LGR6: variants seen among roughly 807,000 people sequenced by gnomAD.
LGR6 encodes the protein leucine-rich repeat-containing G protein-coupled receptor 6.
LGR6 carries 45 observed loss-of-function variants against 69.4 expected under a neutral mutation model. The observed-to-expected ratio is 0.65, with a 90% CI of 0.51 to 0.83. LGR6 has a LOEUF of 0.83. Ranked by LOEUF, LGR6 falls within the 40% of genes least tolerant of loss-of-function variation. The probability of loss-of-function intolerance (pLI) is 0.00; values close to 1 mark genes in which losing one functional copy is unlikely to be tolerated. For synonymous variants in LGR6, 538 were observed against 555.0 expected (o/e 0.97, Z 0.43); for missense variants, 1,108 against 1,246.7 (o/e 0.89, Z 1.68).
chr1:202,315,643 C>T lies in LGR6; in HGVS notation c.1648+761C>T, dbSNP rs781025411. Among the ~76,000 whole-genome samples, 84 of 152,326 alleles carry T rather than the reference C, an allele frequency of 5.5e-4. 1 individual carries two copies. The highest frequency in any genetic ancestry group is 1.0e-3 in the Non-Finnish European group (69 of 68,032). On this transcript the variant is annotated intron_variant, in intron 17 of 17. Coordinates refer to ENST00000367278, the MANE Select transcript of LGR6 (RefSeq NM_001017403.2). Reference sequence around the variant, plus strand: ...GATGAACAGTTTGCTTCTTCTATTTCGTTCCACCTCCGTTTTCCAGTTTTC... The same window carrying T: ...GATGAACAGTTTGCTTCTTCTATTTTGTTCCACCTCCGTTTTCCAGTTTTC...
chr1:202,269,050 G>C (rs1299139662), intron 4 of LGR6, among the ~76,000 whole-genome samples: 1 of 152,090 alleles, frequency 6.6e-6, no homozygotes, highest in Non-Finnish European at 1.5e-5. Context: ...GACTACTGGA[G>C]CGTGCCACCA....
chr1:202,196,730 G>T (rs1333182752), intron 1 of LGR6, among the ~76,000 whole-genome samples: 1 of 152,188 alleles, frequency 6.6e-6, no homozygotes, highest in Non-Finnish European at 1.5e-5. Context: ...TGCCTCCTAT[G>T]GGTGCTCCAT....
chr1:202,264,722 C>T (rs1342732772), intron 4 of LGR6, among the ~76,000 whole-genome samples: 1 of 152,194 alleles, frequency 6.6e-6, no homozygotes, highest in South Asian at 2.1e-4. Context: ...GAGGCACTTC[C>T]CTGTCTCCCT....
intron 1 of LGR6, among the ~76,000 whole-genome samples, chr1:202,215,060 A>G: frequency 7.0e-6 from 1 of 143,116 alleles, no homozygotes; most frequent in Non-Finnish European, 1.5e-5. Flanking sequence ...CTGGGTTGGG[A>G]AGGAGGGTGC....
At chr1:202,231,398 C>A (rs1452268151) in intron 3 of LGR6, among the ~76,000 whole-genome samples, 1 of 152,188 alleles carries the variant, frequency 6.6e-6, no homozygotes, top group Non-Finnish European at 1.5e-5. Flanking sequence ...GAGAAGGCTG[C>A]CCTCTCTGAG....
intron 1 of LGR6, chr1:202,213,977 T>C: frequency 1.1e-6 from 1 of 885,470 alleles, no homozygotes; most frequent in Non-Finnish European, 1.4e-6. Flanking sequence ...ATCTTGGATC[T>C]AGTCTTTCTA....
At chr1:202,195,566 A>G (rs1168074552) in intron 1 of LGR6, among the ~76,000 whole-genome samples, 2 of 152,236 alleles carry the variant, frequency 1.3e-5, no homozygotes, top group Non-Finnish European at 2.9e-5. Flanking sequence ...ATGGGAATAA[A>G]GGTACCAACT....
chr1:202,201,039 G>C (rs921889476), intron 1 of LGR6, among the ~76,000 whole-genome samples: 2 of 152,216 alleles, frequency 1.3e-5, no homozygotes, highest in Non-Finnish European at 2.9e-5. Context: ...GAAACCATCA[G>C]GGGATGCCTA....
chr1:202,273,945 G>A (rs549863558), intron 4 of LGR6, among the ~76,000 whole-genome samples: 1 of 152,180 alleles, frequency 6.6e-6, no homozygotes, highest in South Asian at 2.1e-4. Context: ...GCAGGACTCA[G>A]GGCTTAGGTA....
Position 202,310,241 on chromosome 1 carries a change from T to A in LGR6, c.1451T>A (p.Met484Lys), listed in dbSNP as rs1363409842. The A allele has an allele frequency of 1.1e-5, 17 of 1,613,948 alleles. No homozygotes were observed. The highest frequency in any genetic ancestry group is 1.4e-5 in the Non-Finnish European group (17 of 1,179,986). The change falls in exon 16 of 18, where the codon ATG (methionine) becomes AAG (lysine). Residue 484 changes from methionine (M) to lysine (K), a missense_variant. Transcript: ENST00000367278. ...GCCTACCAGTGCTGTCCCTATGGGATGTGTGCCAGCTTCTTCAAGGCCTCT... is the reference window on the plus strand; with the variant it reads ...GCCTACCAGTGCTGTCCCTATGGGAAGTGTGCCAGCTTCTTCAAGGCCTCT... ...PYAYQCCPYG[M>K]CASFFKASGQ... is the part of the protein sequence containing the mutation.
At chr1:202,241,092 A>G (rs1662162617) in intron 4 of LGR6, among the ~76,000 whole-genome samples, 1 of 152,176 alleles carries the variant, frequency 6.6e-6, no homozygotes, top group African/African-American at 2.4e-5. Flanking sequence ...CAAAGGCTAC[A>G]AGGGAAGCCG....
At chr1:202,248,821 A>G (rs961321625) in intron 4 of LGR6, among the ~76,000 whole-genome samples, 2 of 152,078 alleles carry the variant, frequency 1.3e-5, no homozygotes, top group African/African-American at 4.8e-5. Flanking sequence ...TTTCTCCAGA[A>G]GGTGTCCTGC....
At chr1:202,305,591 G>GTCCT (rs1234075400) in intron 11 of LGR6, 93 bp from the exon 12 acceptor site, 2 of 1,083,684 alleles carry the variant, frequency 1.8e-6, no homozygotes, top group African/African-American at 3.1e-5. Context: ...CTAATTGACA[G>GTCCT]GAAAGCACAG....
At chr1:202,212,297 G>A (rs115545033) in intron 1 of LGR6, among the ~76,000 whole-genome samples, 218 of 152,250 alleles carry the variant, frequency 1.4e-3, no homozygotes, top group Middle Eastern at 6.8e-3. Flanking sequence ...GATGGAGGGC[G>A]AGCAGAGGGA....
intron 6 of LGR6, among the ~76,000 whole-genome samples, chr1:202,292,615 G>A (rs957678546): frequency 2.6e-5 from 4 of 152,160 alleles, no homozygotes; most frequent in East Asian, 1.9e-4. Flanking sequence ...ACTAGATACA[G>A]TATGCACCAC....
intron 9 of LGR6, among the ~76,000 whole-genome samples, chr1:202,302,712 G>A (rs1175188819): frequency 1.3e-5 from 2 of 151,964 alleles, no homozygotes; most frequent in African/African-American, 4.8e-5. Flanking sequence ...ACGCCCGACT[G>A]CTTTTTGTAT....
At chr1:202,305,273 G>T (rs535228205) in intron 11 of LGR6, among the ~76,000 whole-genome samples, 4 of 152,162 alleles carry the variant, frequency 2.6e-5, no homozygotes, top group Admixed American at 6.5e-5. Flanking sequence ...TGGGCCAGAT[G>T]ATCCCTAAGG....
At position 202,318,597 on chromosome 1, in the gene LGR6, C is replaced by G. The variant is rs368974245; in HGVS notation, c.2294C>G (p.Ala765Gly). 4.7e-5 allele frequency: 76 copies of G among 1,613,876 alleles called. 1 individual carries two copies. Among genetic ancestry groups the G allele is most frequent in the Non-Finnish European group, 6.2e-5 (73 of 1,180,018 alleles). The change falls in exon 18 of 18, where the codon GCC (alanine) becomes GGC (glycine). Residue 765 changes from alanine (A) to glycine (G), a missense_variant. Transcript: ENST00000367278. The part of the protein sequence containing the change: ...YCDLPRGDFE[A>G]VWDCAMVRHV... ...GACCTGCCGCGGGGCGACTTTGAGG[C>G]CGTGTGGGACTGCGCCATGGTGAGG...
intron 1 of LGR6, among the ~76,000 whole-genome samples, chr1:202,212,426 G>A (rs1033369972): frequency 4.6e-5 from 7 of 152,280 alleles, no homozygotes; most frequent in Non-Finnish European, 8.8e-5. Context: ...ACAAAGTACC[G>A]CAAACTGGGT....
Sources: gnomAD v4.1 joint callset for allele counts (sites outside exome capture counted in the v4.1 genomes callset) on GRCh38, gnomAD v4.1.1 for gene constraint, MANE v1.5 for transcripts, NCBI Gene and HGNC (gene_info 2026-07-23, HGNC 2026-07-21) for gene names.